The following PCDHA4 variants were observed in gnomAD, a reference collection of about 807,000 sequenced individuals.
PCDHA4 encodes the protein protocadherin alpha-4.
PCDHA4 carries 49 observed loss-of-function variants against 61.4 expected under a neutral mutation model. That is an observed-to-expected ratio of 0.80 (90% CI 0.63 to 1.01). The LOEUF (loss-of-function observed/expected upper bound fraction) is 1.01, where lower values mean the gene tolerates loss of function less well. Among genes scored for constraint, PCDHA4 ranks in the 50% least tolerant of loss-of-function variants. PCDHA4 has a pLI of 0.00. For missense variants in PCDHA4, 1,254 were observed against 1,235.8 expected, an observed-to-expected ratio of 1.01 and a Z score of -0.22; for synonymous variants, 590 against 550.3, an observed-to-expected ratio of 1.07 and a Z score of -1.01.
intron 1 of PCDHA4, chr5:140,817,391 G>A (rs924336993): frequency 6.6e-6 from 1 of 152,186 alleles, no homozygotes. Flanking sequence ...CATGGGAATT[G>A]GTCCTTGTAT....
intron 1 of PCDHA4, chr5:140,881,393 A>G: frequency 1.0e-6 from 1 of 979,646 alleles, no homozygotes; most frequent in Non-Finnish European, 1.2e-6. Context: ...GGTAAGTTAA[A>G]TTCTATTAAA....
chr5:140,988,214 A>AG (rs1408259452), intron 3 of PCDHA4, among the ~76,000 whole-genome samples: 28 of 152,200 alleles, frequency 1.8e-4, no homozygotes, highest in Non-Finnish European at 4.4e-5. Flanking sequence ...AGGAAAAAAA[A>AG]ATGAGATCAG....
chr5:140,829,852 A>C (rs2150176201), intron 1 of PCDHA4: 6 of 1,613,824 alleles, frequency 3.7e-6, no homozygotes, highest in Non-Finnish European at 5.1e-6. Flanking sequence ...CACTGGGTGC[A>C]GGCCAAGTGG....
chr5:140,848,207 C>A (rs1279518262), intron 1 of PCDHA4: 2 of 340,884 alleles, frequency 5.9e-6, no homozygotes, highest in Non-Finnish European at 1.1e-5. Context: ...ACAATCATTA[C>A]TTAAGAAAAA....
rs199814121 is a variant in PCDHA4, at chr5:140,884,467, G to T, written c.2385+74895G>T. 3.9e-5 allele frequency: 63 copies of T among 1,613,778 alleles called. No individual in the cohort carries two copies. In the East Asian group the frequency reaches 1.3e-3, roughly 33 times the overall value. The stretch of plus-strand genomic sequence containing the variant: ...CACCGCCCACCGAGGGCGCGTGCGC[G>T]CCGGGCAAGCCCACTCTAGTGTGCT... On this transcript the variant is annotated intron_variant, in intron 1 of 3. Transcript: ENST00000530339.
intron 1 of PCDHA4, chr5:140,836,228 G>A (rs2150255962): frequency 1.2e-6 from 2 of 1,613,770 alleles, no homozygotes; most frequent in Admixed American, 1.7e-5. Context: ...AACCGGTGGC[G>A]GCCGGTGCGA....
Position 140,869,430 on chromosome 5 carries a change from C to A in PCDHA4, c.2385+59858C>A, listed in dbSNP as rs73793507. On this transcript the variant is annotated intron_variant, in intron 1 of 3. Transcript: ENST00000530339. ...AGTGCAGCATCCACCTGGAGGTGATCGTGGACAGGCCGCTGCAGGTTTTCC... is the reference window on the plus strand; with the variant it reads ...AGTGCAGCATCCACCTGGAGGTGATAGTGGACAGGCCGCTGCAGGTTTTCC... 7.1e-4 allele frequency: 1,143 copies of A among 1,614,154 alleles called. 9 individuals are homozygous for A. In the African/African-American group the frequency reaches 0.013, roughly 18 times the overall value.
At chr5:140,885,045 G>T (rs528565062) in intron 1 of PCDHA4, among the ~76,000 whole-genome samples, 3 of 152,238 alleles carry the variant, frequency 2.0e-5, no homozygotes, top group Admixed American at 1.3e-4. Context: ...TTAGTTTAAT[G>T]TATACATATA....
At chr5:140,891,223 C>T (rs903810382) in intron 1 of PCDHA4, among the ~76,000 whole-genome samples, 19 of 152,110 alleles carry the variant, frequency 1.2e-4, no homozygotes, top group Non-Finnish European at 2.2e-4. Flanking sequence ...TCTTTATAAT[C>T]ATCCTGTTCT....
intron 1 of PCDHA4, chr5:140,817,273 C>T (rs1554127237): frequency 6.6e-6 from 1 of 152,292 alleles, no homozygotes; most frequent in African/African-American, 2.4e-5. Flanking sequence ...TTGAATGGAA[C>T]TGTGCTGCTG....
Position 140,807,189 on chromosome 5 carries a change from TGGA to T in PCDHA4, c.4_6del (p.Glu2?), listed in dbSNP as rs1554123781. 1.2e-6 allele frequency: 2 copies of T among 1,613,036 alleles called. No homozygotes were observed. The highest frequency in any genetic ancestry group is 2.7e-5 in the African/African-American group (2 of 74,894). On this transcript the variant is annotated start_lost and inframe_deletion, in exon 1 of 4. Coordinates refer to ENST00000530339, the MANE Select transcript of PCDHA4 (RefSeq NM_018907.4). Reference sequence around the variant, plus strand: ...AGAACAAAATACTGTGCACTAAAGATGGAGTTTTCCTGGGGAAGCGGCCAGGAA... The same window carrying T: ...AGAACAAAATACTGTGCACTAAAGATGTTTTCCTGGGGAAGCGGCCAGGAA...
rs1554244455 is a variant in PCDHA4 at position 140,982,542 on chromosome 5, A to G, written c.2512A>G (p.Thr838Ala). The G allele has an allele frequency of 1.9e-6, 3 of 1,614,210 alleles. No homozygotes were observed. The highest frequency in any genetic ancestry group is 2.2e-5 in the East Asian group (1 of 44,888). Residue 838 changes from threonine (T) to alanine (A), a missense_variant, in exon 3 of 4, where the codon ACA becomes GCA. Transcript: ENST00000530339. ...GPGGPDQQWP[T>A]VSSATPEPEA... ...AGGAGGGCCTGATCAGCAGTGGCCA[A>G]CAGTATCCAGTGCAACACCAGGTAA...
intron 1 of PCDHA4, chr5:140,928,108 G>C: frequency 6.2e-7 from 1 of 1,614,190 alleles, no homozygotes; most frequent in Non-Finnish European, 8.5e-7. Flanking sequence ...CCTGGACCGG[G>C]AGCAGATCAG....
At chr5:140,921,437 G>A (rs2080219286) in intron 1 of PCDHA4, among the ~76,000 whole-genome samples, 1 of 151,992 alleles carries the variant, frequency 6.6e-6, no homozygotes, top group South Asian at 2.1e-4. Context: ...TTTCTTCAAT[G>A]GTGTCTGAAA....
At chr5:140,899,518 C>T (rs546972156) in intron 1 of PCDHA4, among the ~76,000 whole-genome samples, 145 of 152,230 alleles carry the variant, frequency 9.5e-4, no homozygotes, top group African/African-American at 2.6e-3. Context: ...TATTGCATCC[C>T]AGGGATGAAG....
rs1191412792 is a variant in PCDHA4 at position 140,853,165 on chromosome 5, C to T, written c.2385+43593C>T. ...AAATGCTGGGATTACAGGCGTGAGCCACCGCGCCTGGCCTAAAATGTGTTC... is the reference window on the plus strand; with the variant it reads ...AAATGCTGGGATTACAGGCGTGAGCTACCGCGCCTGGCCTAAAATGTGTTC... On this transcript the variant is annotated intron_variant, in intron 1 of 3. Coordinates refer to ENST00000530339, the MANE Select transcript of PCDHA4 (RefSeq NM_018907.4). The T allele has an allele frequency of 4.2e-6, 4 of 947,174 alleles. No homozygotes were observed. In the African/African-American group the frequency reaches 7.1e-5, roughly 17 times the overall value. The allele number at this position is 947,174 out of a possible 1,614,324, so 58.7% of individuals were successfully genotyped here.
Position 140,857,291 on chromosome 5 carries a change from G to A in PCDHA4, c.2385+47719G>A. 7 of 1,598,730 alleles carry A rather than the reference G, an allele frequency of 4.4e-6. 1 individual carries two copies. Among genetic ancestry groups the A allele is most frequent in the East Asian group, 4.5e-5 (2 of 44,850 alleles). On this transcript the variant is annotated intron_variant, in intron 1 of 3. Transcript: ENST00000530339. ...GGTGCTGGACAGCGCTCTGGACCGC[G>A]AGAGGGTGTCGGCCTATGAGCTGGT...
At chr5:140,829,048 C>T (rs2150162121) in intron 1 of PCDHA4, 1 of 1,612,862 alleles carries the variant, frequency 6.2e-7, no homozygotes, top group Non-Finnish European at 8.5e-7. Flanking sequence ...ACAAAATCCT[C>T]ATTGACGCCA....
rs2150424631 is a variant in PCDHA4 at position 140,848,919 on chromosome 5, A to G, written c.2385+39347A>G. ...CCCAGCGACACAAAAGAATCTGTTC[A>G]TCGCGGAATCCAGGCCGCTTGACTC... is the stretch of plus-strand genomic sequence containing the variant. On this transcript the variant is annotated intron_variant, in intron 1 of 3. Coordinates refer to ENST00000530339, the MANE Select transcript of PCDHA4 (RefSeq NM_018907.4). 5 of 1,608,020 alleles carry G rather than the reference A, an allele frequency of 3.1e-6. No homozygotes were observed. The South Asian group carries it at 5.5e-5, about 18-fold the overall frequency.
Sources: allele counts gnomAD v4.1 joint callset (sites outside exome capture counted in the v4.1 genomes callset), GRCh38; gene constraint gnomAD v4.1.1; transcripts MANE v1.5; gene names NCBI Gene and HGNC (gene_info 2026-07-23, HGNC 2026-07-21).